Variants in KCNIP4 observed in about 807,000 individuals in gnomAD.
The protein encoded by KCNIP4 is Kv channel-interacting protein 4.
A neutral mutation model predicts 34.0 loss-of-function variants in KCNIP4; 12 were observed. The observed-to-expected ratio is 0.35, with a 90% CI of 0.23 to 0.57. KCNIP4 has a LOEUF of 0.57. Ranked by LOEUF, KCNIP4 falls within the 20% of genes least tolerant of loss-of-function variation. The probability of loss-of-function intolerance (pLI) is 0.83; values close to 1 mark genes in which losing one functional copy is unlikely to be tolerated. For synonymous variants in KCNIP4, 124 were observed against 102.2 expected (o/e 1.21, Z -1.29); for missense variants, 238 against 311.7 (o/e 0.76, Z 1.78).
chr4:20,948,623 C>T (rs77285093), intron 1 of KCNIP4, among the ~76,000 whole-genome samples: 5 of 152,228 alleles, frequency 3.3e-5, no homozygotes, highest in Admixed American at 1.3e-4. Flanking sequence ...CCGTTCAGGA[C>T]GTGGCCTGGG....
chr4:20,973,932 T>C (rs1735229189), intron 1 of KCNIP4, among the ~76,000 whole-genome samples: 1 of 152,128 alleles, frequency 6.6e-6, no homozygotes, highest in African/African-American at 2.4e-5. Context: ...GGTATAAAAA[T>C]TTCTCTAGTA....
At chr4:21,064,265 G>T (rs1189498458) in intron 1 of KCNIP4, among the ~76,000 whole-genome samples, 2 of 151,952 alleles carry the variant, frequency 1.3e-5, no homozygotes, top group African/African-American at 4.8e-5. Flanking sequence ...TTTCTGCTTT[G>T]GAAAAAGAAA....
At chr4:20,788,389 T>C (rs1712282142) in intron 3 of KCNIP4, among the ~76,000 whole-genome samples, 1 of 152,168 alleles carries the variant, frequency 6.6e-6, no homozygotes, top group South Asian at 2.1e-4. Flanking sequence ...GAGGTATATT[T>C]TGGATCCCAG....
intron 1 of KCNIP4, among the ~76,000 whole-genome samples, chr4:21,893,804 G>C (rs1420308809): frequency 6.6e-6 from 1 of 152,100 alleles, no homozygotes; most frequent in Admixed American, 6.6e-5. Context: ...TGAAGCTGTA[G>C]TTGCATGGTA....
intron 1 of KCNIP4, among the ~76,000 whole-genome samples, chr4:21,122,794 C>A (rs1009496459): frequency 6.6e-6 from 1 of 152,190 alleles, no homozygotes; most frequent in African/African-American, 2.4e-5. Flanking sequence ...ATTAGGATGA[C>A]AACTGAGTCT....
intron 1 of KCNIP4, among the ~76,000 whole-genome samples, chr4:21,372,867 A>AGT (rs1720602000): frequency 6.8e-6 from 1 of 146,150 alleles, no homozygotes; most frequent in South Asian, 2.1e-4. Context: ...TGAATACAAG[A>AGT]GTGTTAATCA....
chr4:21,341,369 T>C (rs1368472506), intron 1 of KCNIP4, among the ~76,000 whole-genome samples: 1 of 152,242 alleles, frequency 6.6e-6, no homozygotes, highest in East Asian at 1.9e-4. Context: ...TTCCCTTACA[T>C]AAGCAGAGAA....
intron 1 of KCNIP4, among the ~76,000 whole-genome samples, chr4:21,356,478 C>T (rs994694966): frequency 6.6e-6 from 1 of 152,144 alleles, no homozygotes; most frequent in African/African-American, 2.4e-5. Context: ...TCTCAAGATA[C>T]AAAATCAGTG....
At chr4:21,096,649 G>A (rs1433494) in intron 1 of KCNIP4, among the ~76,000 whole-genome samples, 1 of 151,986 alleles carries the variant, frequency 6.6e-6, no homozygotes, top group African/African-American at 2.4e-5. Context: ...TTTAAATGTA[G>A]AAAATAAATT....
intron 1 of KCNIP4, among the ~76,000 whole-genome samples, chr4:21,370,800 A>AATT (rs1720277050): frequency 5.6e-5 from 1 of 17,988 alleles, no homozygotes; most frequent in African/African-American, 2.1e-4. Context: ...CATGGATTGA[A>AATT]ATATATATAT....
chr4:20,927,259 G>A (rs1408154845), intron 1 of KCNIP4, among the ~76,000 whole-genome samples: 1 of 152,194 alleles, frequency 6.6e-6, no homozygotes, highest in African/African-American at 2.4e-5. Flanking sequence ...TTACAGGCAT[G>A]AGCCACCGTG....
At chr4:21,897,546 A>G (rs1044387278) in intron 1 of KCNIP4, among the ~76,000 whole-genome samples, 4 of 152,224 alleles carry the variant, frequency 2.6e-5, no homozygotes, top group African/African-American at 7.2e-5. Flanking sequence ...ACATGCCACA[A>G]TGTGAAATAG....
chr4:21,023,223 T>G (rs1337929937), intron 1 of KCNIP4, among the ~76,000 whole-genome samples: 2 of 152,066 alleles, frequency 1.3e-5, no homozygotes, highest in Non-Finnish European at 2.9e-5. Context: ...CTAAATGAAA[T>G]CATGCTTATA....
rs140876098 is a variant in KCNIP4 at position 21,363,504 on chromosome 4, G to T, written c.62-480795C>A. 7.4e-3 allele frequency among the ~76,000 whole-genome samples: 1,134 copies of T among 152,252 alleles called. 11 individuals carry two copies. Among genetic ancestry groups the T allele is most frequent in the African/African-American group, 0.026 (1,082 of 41,556 alleles). On this transcript the variant is annotated intron_variant, in intron 1 of 8. Coordinates refer to ENST00000382152, the MANE Select transcript of KCNIP4 (RefSeq NM_025221.6). The stretch of plus-strand genomic sequence containing the variant: ...ATCAACATTAGGGAAATCACCAGGT[G>T]CTTTCATCATTTTCTTCTGTAAAAT...
chr4:20,897,500 C>G (rs1726680841), intron 1 of KCNIP4, among the ~76,000 whole-genome samples: 1 of 152,066 alleles, frequency 6.6e-6, no homozygotes, highest in South Asian at 2.1e-4. Flanking sequence ...CTAAATTGTA[C>G]CTGCCCCTCC....
intron 1 of KCNIP4, among the ~76,000 whole-genome samples, chr4:21,114,709 C>A (rs7689193): frequency 0.29 from 44,676 of 151,704 alleles, 7,304 homozygotes; most frequent in African/African-American, 0.45. Context: ...AACCACATCA[C>A]AATACTTTGA....
At chr4:21,318,875 A>C (rs1714076936) in intron 1 of KCNIP4, among the ~76,000 whole-genome samples, 1 of 152,088 alleles carries the variant, frequency 6.6e-6, no homozygotes, top group Non-Finnish European at 1.5e-5. Context: ...ATGAGAAATT[A>C]TTTGAAAGGG....
chr4:21,072,017 C>A (rs1437234933), intron 1 of KCNIP4, among the ~76,000 whole-genome samples: 2 of 152,156 alleles, frequency 1.3e-5, no homozygotes, highest in Non-Finnish European at 2.9e-5. Flanking sequence ...GTATATGTGC[C>A]ACATTTTCTT....
rs573101839 is a variant in KCNIP4 at position 21,380,722 on chromosome 4, T to G, written c.62-498013A>C. Among the ~76,000 whole-genome samples the G allele has an allele frequency of 3.4e-4, 52 of 152,154 alleles. No homozygotes were observed. In the South Asian group the frequency reaches 0.011, roughly 31 times the overall value. On this transcript the variant is annotated intron_variant, in intron 1 of 8. Transcript: ENST00000382152. The stretch of plus-strand genomic sequence containing the variant: ...TATTTTTGGCTATAGATTAACTACT[T>G]ACTACTCACCATATTGGACAGACCT...
Sources: gnomAD v4.1 joint callset for allele counts (sites outside exome capture counted in the v4.1 genomes callset) on GRCh38, gnomAD v4.1.1 for gene constraint, MANE v1.5 for transcripts, NCBI Gene and HGNC (gene_info 2026-07-23, HGNC 2026-07-21) for gene names.